G2E3: variants seen among roughly 807,000 people sequenced by gnomAD.
The protein encoded by G2E3 is G2/M phase-specific E3 ubiquitin-protein ligase.
In G2E3, 35 loss-of-function variants were observed where a neutral mutation model predicts 92.8. That is an observed-to-expected ratio of 0.38 (90% CI 0.29 to 0.50). The LOEUF (loss-of-function observed/expected upper bound fraction) is 0.50, where lower values mean the gene tolerates loss of function less well. G2E3 is among the 20% of genes least tolerant of loss of function. The probability of loss-of-function intolerance (pLI) is 0.94; values close to 1 mark genes in which losing one functional copy is unlikely to be tolerated. For missense variants in G2E3, 554 were observed against 823.8 expected, an observed-to-expected ratio of 0.67 and a Z score of 4.01; for synonymous variants, 242 against 272.4, an observed-to-expected ratio of 0.89 and a Z score of 1.10.
chr14:30,597,519 C>T lies in G2E3; in HGVS notation c.628C>T (p.Pro210Ser). 1 of 1,441,568 alleles carries T rather than the reference C, an allele frequency of 6.9e-7. No homozygotes were observed. The highest frequency in any genetic ancestry group is 1.1e-5 in the South Asian group (1 of 87,294). 89.3% of individuals were successfully genotyped at this position (1,441,568 alleles called of 1,614,324 possible). Reference sequence around the variant, plus strand: ...GATGTTGAGAATGGGAATTCATATTCCTGAAAAGTGAGTAACATTTAGCCT... The same window carrying T: ...GATGTTGAGAATGGGAATTCATATTTCTGAAAAGTGAGTAACATTTAGCCT... ...KEMLRMGIHI[P>S]EKDASWELEE... The change falls in exon 7 of 15, where the codon CCT becomes TCT. Residue 210 changes from proline (P) to serine (S), a missense_variant. Transcript: ENST00000206595.
At chr14:30,589,825 C>G in intron 4 of G2E3, among the ~76,000 whole-genome samples, 1 of 152,060 alleles carries the variant, frequency 6.6e-6, no homozygotes, top group South Asian at 2.1e-4. Flanking sequence ...TTCTCTAAAC[C>G]TTTGATCCTG....
In G2E3 at chr14:30,617,980, A is replaced by G. The variant is rs1158416372; in HGVS notation, c.*1446A>G. On this transcript the variant is annotated 3_prime_UTR_variant, in exon 15 of 15. Coordinates refer to ENST00000206595, the MANE Select transcript of G2E3 (RefSeq NM_017769.5). ...GTTTTAACCATATTTTTCTTAATACACAAAGCAGGTGTCAGCTGTTGTATT... is the reference window on the plus strand; with the variant it reads ...GTTTTAACCATATTTTTCTTAATACGCAAAGCAGGTGTCAGCTGTTGTATT... 6 of 152,052 alleles carry G rather than the reference A, an allele frequency of 3.9e-5. No homozygotes were observed. The highest frequency in any genetic ancestry group is 1.4e-4 in the African/African-American group (6 of 41,508). 9.4% of individuals were successfully genotyped at this position (152,052 alleles called of 1,614,324 possible).
At chr14:30,582,845 A>G (rs1016099891) in intron 2 of G2E3, among the ~76,000 whole-genome samples, 2 of 152,156 alleles carry the variant, frequency 1.3e-5, no homozygotes, top group African/African-American at 4.8e-5. Context: ...TAGTTAGGCT[A>G]TTTCACTATA....
At chr14:30,579,841 C>A (rs1018058551) in intron 1 of G2E3, among the ~76,000 whole-genome samples, 2 of 152,082 alleles carry the variant, frequency 1.3e-5, no homozygotes, top group African/African-American at 2.4e-5. Context: ...ATGTTTTATT[C>A]TTTTCCACTT....
At chr14:30,596,904 T>A (rs1416744315) in intron 6 of G2E3, among the ~76,000 whole-genome samples, 1 of 152,250 alleles carries the variant, frequency 6.6e-6, no homozygotes, top group African/African-American at 2.4e-5. Context: ...GCTTACAGTT[T>A]CCTGTTTCCT....
intron 1 of G2E3, among the ~76,000 whole-genome samples, chr14:30,567,023 G>A (rs1420271111): frequency 3.9e-5 from 6 of 152,078 alleles, no homozygotes; most frequent in Non-Finnish European, 8.8e-5. Context: ...GCATTTCTGG[G>A]ATAAATCCCA....
chr14:30,601,765 C>T lies in G2E3; in HGVS notation c.753-5C>T. The T allele has an allele frequency of 4.3e-6, 7 of 1,613,740 alleles. No homozygotes were observed. Among genetic ancestry groups the T allele is most frequent in the Non-Finnish European group, 5.9e-6 (7 of 1,179,822 alleles). On this transcript the variant is annotated splice_polypyrimidine_tract_variant and splice_region_variant and intron_variant, in intron 8 of 14. Transcript: ENST00000206595. ...TGTAAGTTCTGCTTTTCTTTGTGTC[C>T]TCAGCAAATGGGAAATAAAGCGCTG...
At chr14:30,601,661 G>A in intron 8 of G2E3, 109 bp from the exon 9 acceptor site, 2 of 960,570 alleles carry the variant, frequency 2.1e-6, no homozygotes, top group South Asian at 1.4e-5. Flanking sequence ...AATCGATTGG[G>A]CGGGTGTGTG....
chr14:30,606,220 T>C (rs1881824799), intron 11 of G2E3, among the ~76,000 whole-genome samples: 1 of 151,736 alleles, frequency 6.6e-6, no homozygotes, highest in Non-Finnish European at 1.5e-5. Flanking sequence ...AATTTTTCAG[T>C]ATACTTTTGT....
intron 1 of G2E3, among the ~76,000 whole-genome samples, chr14:30,566,928 A>G (rs1299107074): frequency 1.3e-5 from 2 of 152,192 alleles, no homozygotes; most frequent in Non-Finnish European, 2.9e-5. Context: ...TTCTGCATCT[A>G]TTGAGATGAG....
chr14:30,616,263 G>C lies in G2E3; in HGVS notation c.1865-15G>C. 1 of 1,557,516 alleles carries C rather than the reference G, an allele frequency of 6.4e-7. No homozygotes were observed. Among genetic ancestry groups the C allele is most frequent in the South Asian group, 1.1e-5 (1 of 89,276 alleles). ...CTTTTGTTTCTTTTACTCTTTTATT[G>C]GTAAATTTTTTCAGATGGTAAATCT... On this transcript the variant is annotated splice_polypyrimidine_tract_variant and intron_variant, in intron 14 of 14. Coordinates refer to ENST00000206595, the MANE Select transcript of G2E3 (RefSeq NM_017769.5).
chr14:30,572,227 A>G (rs1879807721), intron 1 of G2E3, among the ~76,000 whole-genome samples: 1 of 152,152 alleles, frequency 6.6e-6, no homozygotes, highest in Non-Finnish European at 1.5e-5. Context: ...ATTCTTATAA[A>G]TATGTTGGTA....
At position 30,616,298 on chromosome 14, in the gene G2E3, A is replaced by G. The variant is rs750960540; in HGVS notation, c.1885A>G (p.Met629Val). The stretch of plus-strand genomic sequence containing the variant: ...TTCAGATGGTAAATCTACAACAACA[A>G]TGGAAGACATTCTTATTTTTGCAAC... ...AVEDGKSTTT[M>V]EDILIFATGC... The change falls in exon 15 of 15, where the codon ATG becomes GTG. Residue 629 changes from methionine (M) to valine (V), a missense_variant. This residue lies in a region of G2E3 where 397 missense variants were observed against 560.3 expected (regional missense o/e 0.71). Coordinates refer to ENST00000206595, the MANE Select transcript of G2E3 (RefSeq NM_017769.5). 16 of 1,607,978 alleles carry G rather than the reference A, an allele frequency of 1.0e-5. No homozygotes were observed. The highest frequency in any genetic ancestry group is 7.7e-5 in the South Asian group (7 of 90,808).
chr14:30,590,245 G>A (rs1880928673), intron 4 of G2E3, among the ~76,000 whole-genome samples: 1 of 152,062 alleles, frequency 6.6e-6, no homozygotes, highest in Non-Finnish European at 1.5e-5. Context: ...TACACTGGAG[G>A]GGAAATGAAG....
At chr14:30,605,865 GAGAT>G (rs1383124950) in intron 11 of G2E3, 53 bp downstream of exon 11, 30 of 909,098 alleles carry the variant, frequency 3.3e-5, no homozygotes, top group South Asian at 9.6e-5. Flanking sequence ...TATAGAAAAA[GAGAT>G]AGATAGCTGG....
intron 2 of G2E3, among the ~76,000 whole-genome samples, chr14:30,583,573 A>T (rs1444415127): frequency 6.6e-6 from 1 of 152,226 alleles, no homozygotes; most frequent in African/African-American, 2.4e-5. Context: ...GACTGGTGGA[A>T]TAAGTTCAAG....
At chr14:30,610,078 T>G (rs1255548589) in intron 12 of G2E3, among the ~76,000 whole-genome samples, 1 of 152,216 alleles carries the variant, frequency 6.6e-6, no homozygotes, top group African/African-American at 2.4e-5. Flanking sequence ...TTGAAGCTCT[T>G]CATTAGGGCA....
chr14:30,562,790 C>T (rs548910053), intron 1 of G2E3, among the ~76,000 whole-genome samples: 4 of 152,234 alleles, frequency 2.6e-5, no homozygotes, highest in African/African-American at 7.2e-5. Context: ...TTTTAGATAG[C>T]GGTAGCAAAT....
chr14:30,600,001 G>T (rs746647515), intron 8 of G2E3, among the ~76,000 whole-genome samples: 1 of 152,146 alleles, frequency 6.6e-6, no homozygotes, highest in Non-Finnish European at 1.5e-5. Flanking sequence ...TGCATTTGAG[G>T]TACAGTGTAC....
Sources: allele counts gnomAD v4.1 joint callset (sites outside exome capture counted in the v4.1 genomes callset), GRCh38; gene constraint gnomAD v4.1.1; regional missense constraint gnomAD v4.1.1; transcripts MANE v1.5; gene names NCBI Gene and HGNC (gene_info 2026-07-23, HGNC 2026-07-21).